Variants in MBD2 observed in about 807,000 individuals in gnomAD.
MBD2 encodes methyl-CpG binding domain protein 2, also known as methyl-CpG-binding domain protein 2.
In MBD2, 9 loss-of-function variants were observed where a neutral mutation model predicts 39.3. That is an observed-to-expected ratio of 0.23 (90% confidence interval 0.14 to 0.40). MBD2 has a LOEUF of 0.40. Among genes scored for constraint, MBD2 ranks in the 10% least tolerant of loss-of-function variants. The pLI, the probability that MBD2 is intolerant of heterozygous loss-of-function variation, is 1.00. For missense variants in MBD2, 458 were observed against 532.6 expected (o/e 0.86, Z 1.38); for synonymous variants, 233 against 211.1 (o/e 1.10, Z -0.90).
intron 3 of MBD2, among the ~76,000 whole-genome samples, chr18:54,168,613 TTGTGTGTGTGTG>T (rs60604906): frequency 0.11 from 12,285 of 115,648 alleles, 1,044 homozygotes; most frequent in African/African-American, 0.17. Context: ...GTATGCATAT[TTGTGTGTGTGTG>T]TGTGTGTGTG....
intron 1 of MBD2, among the ~76,000 whole-genome samples, chr18:54,211,552 G>C (rs1226317225): frequency 6.6e-6 from 1 of 151,962 alleles, no homozygotes; most frequent in Non-Finnish European, 1.5e-5. Context: ...GCTTGTCCCT[G>C]ATAGATTTTA....
chr18:54,210,488 T>C (rs1385829336), intron 1 of MBD2, among the ~76,000 whole-genome samples: 1 of 152,198 alleles, frequency 6.6e-6, no homozygotes, highest in Non-Finnish European at 1.5e-5. Context: ...CATGTGAAAC[T>C]GTACTCTGAA....
At chr18:54,220,923 T>C (rs543862662) in intron 1 of MBD2, among the ~76,000 whole-genome samples, 2 of 152,362 alleles carry the variant, frequency 1.3e-5, no homozygotes, top group East Asian at 1.9e-4. Context: ...TTAACAATCC[T>C]GCAAAGTAAC....
chr18:54,194,122 T>C (rs533292837), intron 2 of MBD2, among the ~76,000 whole-genome samples: 1 of 152,194 alleles, frequency 6.6e-6, no homozygotes, highest in Admixed American at 6.5e-5. Context: ...TATGAGAAAT[T>C]TGAAAATATA....
chr18:54,210,866 A>ATTTT (rs74180457), intron 1 of MBD2, among the ~76,000 whole-genome samples: 6 of 99,346 alleles, frequency 6.0e-5, no homozygotes, highest in African/African-American at 1.7e-4. Flanking sequence ...TCAACTTTCT[A>ATTTT]TTTTTTTTTT....
At chr18:54,203,098 C>A in intron 2 of MBD2, 1 of 1,607,976 alleles carries the variant, frequency 6.2e-7, no homozygotes. Context: ...AGTGTTCCAG[C>A]GCAGCTAGAG....
At chr18:54,188,151 T>C (rs1047259680) in intron 3 of MBD2, among the ~76,000 whole-genome samples, 2 of 152,128 alleles carry the variant, frequency 1.3e-5, no homozygotes, top group African/African-American at 2.4e-5. Flanking sequence ...CTCACCCCAA[T>C]TGCTACTAAA....
At chr18:54,174,700 G>A (rs1283412609) in intron 3 of MBD2, among the ~76,000 whole-genome samples, 1 of 152,118 alleles carries the variant, frequency 6.6e-6, no homozygotes, top group Non-Finnish European at 1.5e-5. Context: ...GGTCGGTCTG[G>A]GACACTAGAG....
In MBD2 at chr18:54,164,712, A is replaced by G. The variant is rs775640273; in HGVS notation, c.932-12T>C. 1.3e-6 allele frequency: 2 copies of G among 1,593,260 alleles called. No homozygotes were observed. Among genetic ancestry groups the G allele is most frequent in the South Asian group, 2.2e-5 (2 of 90,510 alleles). ...ACCTGGACCAACTCCTGCAATGAGA[A>G]ACAAGTACTAGTTAAAGGAAATGTC... On this transcript the variant is annotated splice_polypyrimidine_tract_variant and intron_variant, in intron 4 of 6. Transcript: ENST00000256429.
chr18:54,221,339 T>C (rs2086610089), intron 1 of MBD2, among the ~76,000 whole-genome samples: 1 of 151,658 alleles, frequency 6.6e-6, no homozygotes, highest in Non-Finnish European at 1.5e-5. Flanking sequence ...GCACCTGTAG[T>C]CCCAGCTACT....
rs56174434 is a variant in MBD2 at position 54,168,572 on chromosome 18, C to CATATATATATATATATATATAT, written c.841-2428_841-2407dup. Among the ~76,000 whole-genome samples, 93 of 114,856 alleles carry CATATATATATATATATATATAT rather than the reference C, an allele frequency of 8.1e-4. 5 individuals are homozygous for CATATATATATATATATATATAT. Among genetic ancestry groups the CATATATATATATATATATATAT allele is most frequent in the African/African-American group, 2.4e-3 (63 of 26,416 alleles). 75.3% of individuals were successfully genotyped at this position (114,856 alleles called of 152,430 possible). Reference sequence around the variant, plus strand: ...TTGTTATGCCATGAAAATGGAGATACATATATATATATATATATATATATA... The same window carrying CATATATATATATATATATATAT: ...TTGTTATGCCATGAAAATGGAGATACATATATATATATATATATATATATATATATATATATATATATATATA... On this transcript the variant is annotated intron_variant, in intron 3 of 6. Coordinates refer to ENST00000256429, the MANE Select transcript of MBD2 (RefSeq NM_003927.5).
chr18:54,161,434 T>C (rs1310834446), intron 5 of MBD2, among the ~76,000 whole-genome samples: 2 of 152,234 alleles, frequency 1.3e-5, no homozygotes, highest in African/African-American at 4.8e-5. Flanking sequence ...TTATTTCTTA[T>C]ACAGTTAGTC....
At chr18:54,206,334 A>G (rs2086449690) in intron 1 of MBD2, among the ~76,000 whole-genome samples, 1 of 152,222 alleles carries the variant, frequency 6.6e-6, no homozygotes, top group Non-Finnish European at 1.5e-5. Flanking sequence ...TAATGCCCCA[A>G]AGTGTTACCT....
chr18:54,213,095 G>GGA (rs2086523594), intron 1 of MBD2, among the ~76,000 whole-genome samples: 1 of 72,204 alleles, frequency 1.4e-5, no homozygotes, highest in Non-Finnish European at 2.8e-5. Flanking sequence ...CGGGGGGGGG[G>GGA]ATTATTTTTA....
chr18:54,178,041 C>T (rs534703291), intron 3 of MBD2, among the ~76,000 whole-genome samples: 1 of 152,112 alleles, frequency 6.6e-6, no homozygotes, highest in East Asian at 1.9e-4. Context: ...TGGAGTCTCA[C>T]TTTCTTGGCA....
intron 1 of MBD2, among the ~76,000 whole-genome samples, chr18:54,210,031 T>G (rs192949232): frequency 1.3e-5 from 2 of 152,202 alleles, no homozygotes; most frequent in Admixed American, 1.3e-4. Flanking sequence ...CATTTTCAGT[T>G]CTCTCTGCCC....
intron 1 of MBD2, among the ~76,000 whole-genome samples, chr18:54,208,875 A>C (rs2086475369): frequency 6.6e-6 from 1 of 152,242 alleles, no homozygotes; most frequent in African/African-American, 2.4e-5. Context: ...CCAAATCAAG[A>C]TAATTTGAAC....
chr18:54,222,273 T>A (rs545725800), intron 1 of MBD2: 7 of 457,546 alleles, frequency 1.5e-5, no homozygotes, highest in East Asian at 1.2e-4. Context: ...CCTTTTTTTT[T>A]AATCAGAAGA....
chr18:54,159,350 G>A (rs2086077494), intron 6 of MBD2, among the ~76,000 whole-genome samples: 1 of 151,902 alleles, frequency 6.6e-6, no homozygotes, highest in East Asian at 1.9e-4. Flanking sequence ...CAGAACCCGA[G>A]CAGAGGAGTA....
Sources: allele counts gnomAD v4.1 joint callset (sites outside exome capture counted in the v4.1 genomes callset), GRCh38; gene constraint gnomAD v4.1.1; transcripts MANE v1.5; gene names NCBI Gene and HGNC (gene_info 2026-07-23, HGNC 2026-07-21).